The following GABRA5 variants were observed in gnomAD, a reference collection of about 807,000 sequenced individuals.
The protein encoded by GABRA5 is gamma-aminobutyric acid type A receptor subunit alpha5.
A neutral mutation model predicts 47.3 loss-of-function variants in GABRA5; 18 were observed. The observed-to-expected ratio is 0.38, with a 90% confidence interval of 0.26 to 0.56. The LOEUF is 0.56. GABRA5 is among the 20% of genes least tolerant of loss of function. GABRA5 has a pLI of 0.71. For missense variants in GABRA5, 365 were observed against 599.3 expected, an observed-to-expected ratio of 0.61 and a Z score of 4.08; for synonymous variants, 237 against 229.3, an observed-to-expected ratio of 1.03 and a Z score of -0.30.
chr15:26,933,167 A>G (rs904048293), intron 7 of GABRA5, among the ~76,000 whole-genome samples: 9 of 152,078 alleles, frequency 5.9e-5, no homozygotes, highest in African/African-American at 2.2e-4. Context: ...ACATGCAAAA[A>G]TCACTATTTG....
Position 26,914,863 on chromosome 15 carries a change from T to G in GABRA5, c.558T>G (p.Ala186=). 1 of 1,614,018 alleles carries G rather than the reference T, an allele frequency of 6.2e-7. No homozygotes were observed. ...AGGACTTCCCGATGGATGCGCACGC[T>G]TGCCCTCTGAAATTTGGCAGCTGTA... is the stretch of plus-strand genomic sequence containing the variant. ...QLEDFPMDAH[A]CPLKFGSYAY... is the part of the protein sequence containing the mutation. The change falls in exon 7 of 11, where the codon GCT becomes GCG. Residue 186 remains alanine, a synonymous_variant. Transcript: ENST00000335625.
intron 4 of GABRA5, among the ~76,000 whole-genome samples, chr15:26,882,486 C>T (rs1595396707): frequency 6.6e-6 from 1 of 152,328 alleles, no homozygotes; most frequent in East Asian, 1.9e-4. Context: ...ACCACGGGGA[C>T]TTACAGGGCT....
intron 6 of GABRA5, among the ~76,000 whole-genome samples, chr15:26,894,453 TC>T (rs984219079): frequency 6.6e-6 from 1 of 151,964 alleles, no homozygotes; most frequent in Non-Finnish European, 1.5e-5. Context: ...GGCCCCTCCT[TC>T]CCCCCGGGCT....
chr15:26,910,840 A>G, intron 6 of GABRA5, among the ~76,000 whole-genome samples: 1 of 152,058 alleles, frequency 6.6e-6, no homozygotes, highest in Non-Finnish European at 1.5e-5. Flanking sequence ...GAGGGTTTCA[A>G]GCAGGTGACC....
chr15:26,903,871 T>A (rs1182906088), intron 6 of GABRA5, among the ~76,000 whole-genome samples: 1 of 152,170 alleles, frequency 6.6e-6, no homozygotes, highest in Non-Finnish European at 1.5e-5. Context: ...TTTTGTCAGA[T>A]GCATATTAGA....
intron 3 of GABRA5, among the ~76,000 whole-genome samples, chr15:26,875,468 A>G (rs1213693914): frequency 6.6e-6 from 1 of 152,208 alleles, no homozygotes; most frequent in African/African-American, 2.4e-5. Context: ...AATAAGTGTC[A>G]GTAGGTTATG....
chr15:26,873,074 C>G (rs1276110246), intron 3 of GABRA5, among the ~76,000 whole-genome samples: 1 of 152,164 alleles, frequency 6.6e-6, no homozygotes, highest in Non-Finnish European at 1.5e-5. Flanking sequence ...TTTTTGGACA[C>G]TCAGCCCCGT....
At chr15:26,934,961 G>A (rs1391715838) in intron 7 of GABRA5, among the ~76,000 whole-genome samples, 1 of 152,190 alleles carries the variant, frequency 6.6e-6, no homozygotes, top group African/African-American at 2.4e-5. Flanking sequence ...CTCTGCTGAT[G>A]TGTGGTCAGA....
intron 7 of GABRA5, among the ~76,000 whole-genome samples, chr15:26,931,590 A>G (rs1894109256): frequency 6.6e-6 from 1 of 152,228 alleles, no homozygotes; most frequent in Non-Finnish European, 1.5e-5. Context: ...GCAGTGAGGA[A>G]CACAGAAGCA....
chr15:26,914,127 TC>T (rs1284923828), intron 6 of GABRA5, among the ~76,000 whole-genome samples: 1 of 152,154 alleles, frequency 6.6e-6, no homozygotes, highest in Non-Finnish European at 1.5e-5. Context: ...GTGGTAGTGC[TC>T]GGTGATATTA....
intron 4 of GABRA5, among the ~76,000 whole-genome samples, chr15:26,882,803 T>G (rs1003999576): frequency 4.6e-5 from 7 of 152,192 alleles, no homozygotes; most frequent in African/African-American, 1.4e-4. Context: ...GGCGTGGCCC[T>G]GAGCTGCCAG....
At chr15:26,879,568 A>G (rs1892678485) in intron 3 of GABRA5, among the ~76,000 whole-genome samples, 2 of 152,360 alleles carry the variant, frequency 1.3e-5, no homozygotes, top group South Asian at 4.1e-4. Flanking sequence ...TGAAACTTAG[A>G]TCAAAAGAGC....
At chr15:26,906,610 T>C (rs1487817253) in intron 6 of GABRA5, among the ~76,000 whole-genome samples, 1 of 152,188 alleles carries the variant, frequency 6.6e-6, no homozygotes, top group African/African-American at 2.4e-5. Context: ...ATGAAATAAA[T>C]GCTTTAATTT....
Position 26,948,031 on chromosome 15 carries a change from G to A in GABRA5, c.1187G>A (p.Gly396Glu), listed in dbSNP as rs976940176. 2 of 1,605,846 alleles carry A rather than the reference G, an allele frequency of 1.2e-6. No individual in the cohort carries two copies. Among genetic ancestry groups the A allele is most frequent in the Non-Finnish European group, 1.7e-6 (2 of 1,175,944 alleles). Residue 396 changes from glycine to glutamate, a missense_variant, in exon 11 of 11, where the codon GGG becomes GAG. Gly to Glu is a moderately conservative substitution (Grantham distance 98). This residue lies in a region of GABRA5 where 106 missense variants were observed against 130.3 expected (regional missense o/e 0.81). Coordinates refer to ENST00000335625, the MANE Select transcript of GABRA5 (RefSeq NM_000810.4). ...PNIPKEQTPA[G>E]TSNTTSVSVK... is the part of the protein sequence containing the mutation. ...ATTCCGAAGGAACAGACCCCAGCAG[G>A]GACGTCGAATACAACCTCAGTCTCA...
chr15:26,898,931 G>A (rs952479381), intron 6 of GABRA5, among the ~76,000 whole-genome samples: 6 of 151,940 alleles, frequency 3.9e-5, no homozygotes, highest in African/African-American at 1.5e-4. Flanking sequence ...TAGGGACAGG[G>A]TGCCATCATA....
chr15:26,891,483 G>A (rs1757232233), intron 6 of GABRA5, among the ~76,000 whole-genome samples: 1 of 152,182 alleles, frequency 6.6e-6, no homozygotes, highest in African/African-American at 2.4e-5. Flanking sequence ...GCATGCAACA[G>A]GAAGCTAGCT....
At chr15:26,905,919 T>C (rs1893434391) in intron 6 of GABRA5, among the ~76,000 whole-genome samples, 1 of 152,108 alleles carries the variant, frequency 6.6e-6, no homozygotes, top group South Asian at 2.1e-4. Context: ...TTCTTTTAGA[T>C]CTTTGATATT....
At chr15:26,880,164 A>C (rs190458927) in intron 3 of GABRA5, among the ~76,000 whole-genome samples, 1 of 152,168 alleles carries the variant, frequency 6.6e-6, no homozygotes, top group Non-Finnish European at 1.5e-5. Context: ...GATTGAACAA[A>C]CAAAAAATGT....
intron 7 of GABRA5, among the ~76,000 whole-genome samples, chr15:26,915,874 A>T (rs1358412000): frequency 2.0e-5 from 3 of 152,210 alleles, no homozygotes; most frequent in African/African-American, 7.2e-5. Flanking sequence ...TGTAAAATAG[A>T]TGAGGGCTGT....
Sources: allele counts gnomAD v4.1 joint callset (sites outside exome capture counted in the v4.1 genomes callset), GRCh38; gene constraint gnomAD v4.1.1; regional missense constraint gnomAD v4.1.1; transcripts MANE v1.5; gene names NCBI Gene and HGNC (gene_info 2026-07-23, HGNC 2026-07-21).